Variants in WDR70 observed in about 807,000 individuals in gnomAD.
WDR70 encodes the protein WD repeat domain 70.
WDR70 carries 53 observed loss-of-function variants against 88.6 expected under a neutral mutation model. The observed-to-expected ratio is 0.60, with a 90% CI of 0.48 to 0.75. WDR70 has a LOEUF of 0.75. Ranked by LOEUF, WDR70 falls within the 30% of genes least tolerant of loss-of-function variation. The pLI is 0.00. For synonymous variants in WDR70, 280 were observed against 270.0 expected, an observed-to-expected ratio of 1.04 and a Z score of -0.36; for missense variants, 610 against 823.2, an observed-to-expected ratio of 0.74 and a Z score of 3.17.
At chr5:37,512,546 C>T (rs1740752697) in intron 8 of WDR70, among the ~76,000 whole-genome samples, 1 of 151,264 alleles carries the variant, frequency 6.6e-6, no homozygotes, top group Non-Finnish European at 1.5e-5. Context: ...AGGACATTTG[C>T]TATTGGATTT....
chr5:37,533,851 A>T (rs1205805552), intron 9 of WDR70, among the ~76,000 whole-genome samples: 2 of 152,176 alleles, frequency 1.3e-5, no homozygotes, highest in Non-Finnish European at 2.9e-5. Flanking sequence ...GGCCAGTCTC[A>T]TTCCTGCCGT....
At chr5:37,649,267 A>C (rs1216608684) in intron 10 of WDR70, among the ~76,000 whole-genome samples, 2 of 152,004 alleles carry the variant, frequency 1.3e-5, no homozygotes, top group African/African-American at 4.8e-5. Context: ...TCTAGACCAA[A>C]GGATTTTCAC....
At chr5:37,647,542 G>A (rs1745272942) in intron 10 of WDR70, among the ~76,000 whole-genome samples, 1 of 152,138 alleles carries the variant, frequency 6.6e-6, no homozygotes, top group Non-Finnish European at 1.5e-5. Flanking sequence ...GAAGGAACTT[G>A]GGTATTGTTA....
chr5:37,466,705 C>CAAAAA (rs796359494), intron 7 of WDR70, among the ~76,000 whole-genome samples: 1 of 65,534 alleles, frequency 1.5e-5, no homozygotes, highest in African/African-American at 6.7e-5. Context: ...GACTCCATCT[C>CAAAAA]AAAAAAAAAA....
rs141109748 is a variant in WDR70 at position 37,425,985 on chromosome 5, A to T, written c.493-11937A>T. Among the ~76,000 whole-genome samples, 728 of 152,296 alleles carry T rather than the reference A, an allele frequency of 4.8e-3. 2 individuals carry two copies. The highest frequency in any genetic ancestry group is 8.0e-3 in the Non-Finnish European group (544 of 68,024). ...GGCAAAGCATCCTGATGACTGCTAG[A>T]AATATAGGTTTGTTGTTGAGAGACA... On this transcript the variant is annotated intron_variant, in intron 5 of 17. Coordinates refer to ENST00000265107, the MANE Select transcript of WDR70 (RefSeq NM_018034.4).
intron 17 of WDR70, among the ~76,000 whole-genome samples, chr5:37,751,633 A>G (rs1416704771): frequency 6.6e-6 from 1 of 152,234 alleles, no homozygotes; most frequent in Non-Finnish European, 1.5e-5. Context: ...ATGATTCTAA[A>G]TGAAAATACA....
At chr5:37,417,105 A>T (rs1036160959) in intron 5 of WDR70, among the ~76,000 whole-genome samples, 6 of 152,204 alleles carry the variant, frequency 3.9e-5, no homozygotes, top group Non-Finnish European at 7.3e-5. Flanking sequence ...CAAAATGAGG[A>T]TACTTTAAGG....
intron 5 of WDR70, among the ~76,000 whole-genome samples, chr5:37,430,775 G>A (rs563860185): frequency 2.4e-4 from 37 of 152,172 alleles, no homozygotes; most frequent in African/African-American, 8.7e-4. Flanking sequence ...TGGCCAGGCT[G>A]GTCTCAAACT....
At chr5:37,444,148 C>G (rs1738383355) in intron 7 of WDR70, among the ~76,000 whole-genome samples, 1 of 149,698 alleles carries the variant, frequency 6.7e-6, no homozygotes, top group Non-Finnish European at 1.5e-5. Context: ...GACTCCATCT[C>G]AAAACAAAAA....
At chr5:37,548,780 T>G (rs1398277348) in intron 9 of WDR70, among the ~76,000 whole-genome samples, 1 of 152,228 alleles carries the variant, frequency 6.6e-6, no homozygotes, top group Non-Finnish European at 1.5e-5. Flanking sequence ...TTTGAGCTGT[T>G]AGATTTAATT....
intron 17 of WDR70, among the ~76,000 whole-genome samples, chr5:37,749,836 A>AAAC (rs769573021): frequency 0.011 from 1,687 of 151,476 alleles, 37 homozygotes; most frequent in African/African-American, 0.038. Flanking sequence ...AGGTGAAAAA[A>AAAC]AAAACCAAAA....
At chr5:37,706,248 G>A (rs1747317329) in intron 13 of WDR70, among the ~76,000 whole-genome samples, 1 of 152,194 alleles carries the variant, frequency 6.6e-6, no homozygotes. Flanking sequence ...AGGAGATGGT[G>A]TATGTTTCTT....
intron 3 of WDR70, among the ~76,000 whole-genome samples, chr5:37,383,350 C>T (rs1221578719): frequency 7.2e-5 from 11 of 152,030 alleles, no homozygotes; most frequent in Admixed American, 7.2e-4. Context: ...ACCTCCGCCT[C>T]TTGGGTTCAA....
At chr5:37,742,260 G>GTT (rs1748503969) in intron 17 of WDR70, among the ~76,000 whole-genome samples, 1 of 130,444 alleles carries the variant, frequency 7.7e-6, no homozygotes, top group Non-Finnish European at 1.6e-5. Context: ...GTTATTATCT[G>GTT]TTGTTTTTTT....
chr5:37,647,060 T>C (rs1745260129), intron 10 of WDR70, among the ~76,000 whole-genome samples: 1 of 152,178 alleles, frequency 6.6e-6, no homozygotes, highest in Non-Finnish European at 1.5e-5. Context: ...TTCTTTTTTA[T>C]TCCTTTTTTT....
At chr5:37,554,107 CCT>C (rs1742227275) in intron 9 of WDR70, among the ~76,000 whole-genome samples, 1 of 144,406 alleles carries the variant, frequency 6.9e-6, no homozygotes, top group Non-Finnish European at 1.5e-5. Context: ...GTGCAATACT[CCT>C]TTTTTTTTTT....
chr5:37,663,539 T>A (rs1745757448), intron 10 of WDR70, among the ~76,000 whole-genome samples: 1 of 152,232 alleles, frequency 6.6e-6, no homozygotes, highest in African/African-American at 2.4e-5. Flanking sequence ...GTCTCTTTTT[T>A]TCTATGTCCA....
chr5:37,533,457 T>TCAC (rs35578229), intron 9 of WDR70, among the ~76,000 whole-genome samples: 24,145 of 141,148 alleles, frequency 0.17, 2,293 homozygotes, highest in South Asian at 0.25. Context: ...AACAAAACAA[T>TCAC]CACCACCACC....
chr5:37,477,194 A>G (rs911512519), intron 7 of WDR70, among the ~76,000 whole-genome samples: 1 of 151,964 alleles, frequency 6.6e-6, no homozygotes, highest in Non-Finnish European at 1.5e-5. Flanking sequence ...TTTATTAGGG[A>G]TCATTTTCTT....
Sources: allele counts gnomAD v4.1 joint callset (sites outside exome capture counted in the v4.1 genomes callset), GRCh38; gene constraint gnomAD v4.1.1; transcripts MANE v1.5; gene names NCBI Gene and HGNC (gene_info 2026-07-23, HGNC 2026-07-21).